The following TGFB1 variants were observed in gnomAD, a reference collection of about 807,000 sequenced individuals.
The protein encoded by TGFB1 is transforming growth factor beta-1 proprotein.
In TGFB1, 19 loss-of-function variants were observed where a neutral mutation model predicts 43.8. The ratio of observed to expected loss-of-function variants is 0.43; its 90% CI spans 0.30 to 0.64. TGFB1 has a LOEUF of 0.64. Among genes scored for constraint, TGFB1 ranks in the 30% least tolerant of loss-of-function variants. TGFB1 has a pLI of 0.11. For missense variants in TGFB1, 445 were observed against 529.8 expected (o/e 0.84, Z 1.57); for synonymous variants, 221 against 236.3 (o/e 0.94, Z 0.60).
Position 41,332,002 on chromosome 19 carries a change from AC to A in TGFB1, c.1014+125del, listed in dbSNP as rs375407001. The A allele has an allele frequency of 1.3e-5, 15 of 1,153,492 alleles. No individual in the cohort carries two copies. The African/African-American group carries it at 2.1e-4, about 16-fold the overall frequency. The allele number at this position is 1,153,492 out of a possible 1,614,324, so 71.5% of individuals were successfully genotyped here. ...CATCTCTTTATTCATTCCCCTCCCCACCCCATCCCTCTCTTTCTCCCCATCC... is the reference window on the plus strand; with the variant it reads ...CATCTCTTTATTCATTCCCCTCCCCACCCATCCCTCTCTTTCTCCCCATCC... On this transcript the variant is annotated intron_variant, in intron 6 of 6. Transcript: ENST00000221930.
At chr19:41,332,497 ATAAT>A (rs1480343791) in intron 5 of TGFB1, among the ~76,000 whole-genome samples, 8 of 152,242 alleles carry the variant, frequency 5.3e-5, no homozygotes, top group Non-Finnish European at 4.4e-5. Flanking sequence ...GAGCAATGTA[ATAAT>A]TAATTTCACG....
At chr19:41,351,228 T>G (rs2038188553) in intron 1 of TGFB1, 1 of 152,066 alleles carries the variant, frequency 6.6e-6, no homozygotes, top group African/African-American at 2.4e-5. Context: ...GGGTGCGGAG[T>G]GCGCGTCATT....
Position 41,331,117 on chromosome 19 carries a change from C to A in TGFB1, c.1108G>T (p.Val370Leu), listed in dbSNP as rs1254766061. 9 of 1,585,296 alleles carry A rather than the reference C, an allele frequency of 5.7e-6. No individual in the cohort carries two copies. The South Asian group carries it at 5.7e-5, about 10-fold the overall frequency. Residue 370 changes from valine to leucine, a missense_variant, in exon 7 of 7, where the codon GTG becomes TTG. Physicochemically the swap from Val to Leu is conservative, Grantham distance 32. Coordinates refer to ENST00000221930, the MANE Select transcript of TGFB1 (RefSeq NM_000660.7). Reference protein sequence around the residue: ...ALEPLPIVYYVGRKPKVEQLS... With the variant: ...ALEPLPIVYYLGRKPKVEQLS... ...TGCTCCACCTTGGGCTTGCGGCCCA[C>A]GTAGTACACGATGGGCAGCGGCTCC... is the stretch of plus-strand genomic sequence containing the variant.
In TGFB1 at chr19:41,330,986, C is replaced by A; in HGVS notation, c.*66G>T. 7.5e-7 allele frequency: 1 copy of A among 1,333,784 alleles called. No homozygotes were observed. The highest frequency in any genetic ancestry group is 1.5e-5 in the South Asian group (1 of 66,718). The allele number at this position is 1,333,784 out of a possible 1,614,324, so 82.6% of individuals were successfully genotyped here. A position where few individuals can be genotyped will look rare whatever the true frequency, so the allele number is the denominator to read the frequency against. Reference sequence around the variant, plus strand: ...TGTCCTTAAATACAGCCCCCATGGGCAAGGCAGCGGGGGCGGGGCGGGGTG... The same window carrying A: ...TGTCCTTAAATACAGCCCCCATGGGAAAGGCAGCGGGGGCGGGGCGGGGTG... On this transcript the variant is annotated 3_prime_UTR_variant, in exon 7 of 7. Coordinates refer to ENST00000221930, the MANE Select transcript of TGFB1 (RefSeq NM_000660.7).
Position 41,353,034 on chromosome 19 carries a change from G to A in TGFB1, c.11C>T (p.Ser4Phe), listed in dbSNP as rs752190020. The change falls in exon 1 of 7, where the codon TCC becomes TTC. Residue 4 changes from serine to phenylalanine, a missense_variant. Coordinates refer to ENST00000221930, the MANE Select transcript of TGFB1 (RefSeq NM_000660.7). This position sits in a 1 kb window ranked among gnomAD's most constrained non-coding sequence, Gnocchi z 5.9. The stretch of plus-strand genomic sequence containing the variant: ...CAGCAGCGGCAGCAGCCGCAGCCCG[G>A]AGGGCGGCATGGGGGAGGCGGCGCC... MPPSGLRLLPLLLP... is the reference protein window; with the variant it reads MPPFGLRLLPLLLP... 8.5e-6 allele frequency: 13 copies of A among 1,529,424 alleles called. No homozygotes were observed. The South Asian group carries it at 1.2e-4, about 14-fold the overall frequency. The allele number at this position is 1,529,424 out of a possible 1,614,324, so 94.7% of individuals were successfully genotyped here.
rs1296211207 is a variant in TGFB1 at position 41,347,468 on chromosome 19, C to G, written c.516+827G>C. Among the ~76,000 whole-genome samples, 4 of 152,070 alleles carry G rather than the reference C, an allele frequency of 2.6e-5. No homozygotes were observed. The East Asian group carries it at 7.7e-4, about 29-fold the overall frequency. On this transcript the variant is annotated intron_variant, in intron 2 of 6. Coordinates refer to ENST00000221930, the MANE Select transcript of TGFB1 (RefSeq NM_000660.7). ...AAGAATCCTGTGTCCTTAAAGAGTC[C>G]AACTCCTAAGATTCCAGCCTTCTAA... is the stretch of plus-strand genomic sequence containing the variant.
intron 6 of TGFB1, among the ~76,000 whole-genome samples, chr19:41,331,502 A>C (rs1358883064): frequency 1.3e-5 from 2 of 150,716 alleles, no homozygotes; most frequent in Non-Finnish European, 2.9e-5. Flanking sequence ...TCCTGAGCGC[A>C]AGCCATCCTC....
In TGFB1 at chr19:41,348,401, G is replaced by T. The variant is rs1453070595; in HGVS notation, c.410C>A (p.Thr137Lys). 12 of 1,613,402 alleles carry T rather than the reference G, an allele frequency of 7.4e-6. No homozygotes were observed. Among genetic ancestry groups the T allele is most frequent in the Non-Finnish European group, 1.0e-5 (12 of 1,179,698 alleles). Residue 137 changes from threonine (T) to lysine (K), a missense_variant, in exon 2 of 7, where the codon ACA becomes AAA. This residue lies in a region of TGFB1 where 366 missense variants were observed against 428.8 expected (regional missense o/e 0.85). Coordinates refer to ENST00000221930, the MANE Select transcript of TGFB1 (RefSeq NM_000660.7). Reference protein sequence around the residue: ...STHSIYMFFNTSELREAVPEP... With the variant: ...STHSIYMFFNKSELREAVPEP... The stretch of plus-strand genomic sequence containing the variant: ...AGGTACCGCTTCTCGGAGCTCTGAT[G>T]TGTTGAAGAACATATATATGCTGTG...
intron 5 of TGFB1, among the ~76,000 whole-genome samples, chr19:41,334,518 C>T (rs1482603530): frequency 1.4e-5 from 2 of 143,170 alleles, no homozygotes; most frequent in Admixed American, 7.2e-5. Flanking sequence ...AACCTCTGCT[C>T]ATAGATTGGT....
chr19:41,337,194 T>G (rs1018428798), intron 5 of TGFB1, among the ~76,000 whole-genome samples: 1 of 152,030 alleles, frequency 6.6e-6, no homozygotes, highest in Non-Finnish European at 1.5e-5. Context: ...CAGGCTGGAG[T>G]GCAATGGCGC....
chr19:41,348,770 C>T (rs1375868197), intron 1 of TGFB1, among the ~76,000 whole-genome samples: 3 of 151,724 alleles, frequency 2.0e-5, no homozygotes, highest in Non-Finnish European at 2.9e-5. Flanking sequence ...ACTAAAGGCT[C>T]ATGCCACCAT....
At chr19:41,333,209 A>ATTTTT (rs1161079448) in intron 5 of TGFB1, among the ~76,000 whole-genome samples, 5 of 86,382 alleles carry the variant, frequency 5.8e-5, no homozygotes, top group Admixed American at 1.4e-4. Flanking sequence ...TTTTTTTTCT[A>ATTTTT]TTTTTTTTTT....
At chr19:41,337,938 G>A (rs1173872154) in intron 5 of TGFB1, among the ~76,000 whole-genome samples, 1 of 152,256 alleles carries the variant, frequency 6.6e-6, no homozygotes, top group African/African-American at 2.4e-5. Context: ...AAGCCTGTAA[G>A]GCCAGCACTT....
intron 3 of TGFB1, among the ~76,000 whole-genome samples, chr19:41,344,082 A>G (rs1009597312): frequency 2.0e-5 from 3 of 146,810 alleles, no homozygotes; most frequent in Non-Finnish European, 4.4e-5. Context: ...TCCCAGGCTC[A>G]GGTGATTCTC....
intron 2 of TGFB1, among the ~76,000 whole-genome samples, chr19:41,347,251 G>T (rs1185569295): frequency 6.6e-6 from 1 of 152,142 alleles, no homozygotes; most frequent in African/African-American, 2.4e-5. Context: ...TCGGACTCCT[G>T]GGCTCAAGCA....
At chr19:41,339,577 C>T (rs944859512) in intron 5 of TGFB1, among the ~76,000 whole-genome samples, 6 of 151,650 alleles carry the variant, frequency 4.0e-5, no homozygotes, top group Non-Finnish European at 5.9e-5. Flanking sequence ...GTAATCCCAG[C>T]ACTTTGGGAG....
intron 5 of TGFB1, among the ~76,000 whole-genome samples, chr19:41,341,364 G>C (rs2038052702): frequency 6.7e-6 from 1 of 149,452 alleles, no homozygotes; most frequent in Non-Finnish European, 1.5e-5. Context: ...CTACTCGGGA[G>C]GCTGAGACAG....
intron 3 of TGFB1, among the ~76,000 whole-genome samples, 180 bp from the exon 4 acceptor site, chr19:41,342,427 G>C (rs1229803270): frequency 1.7e-5 from 2 of 120,296 alleles, no homozygotes; most frequent in African/African-American, 6.5e-5. Context: ...ACAAGGTCTC[G>C]CAGCCTCAAT....
In TGFB1 at chr19:41,349,350, C is replaced by T. The variant is rs572887700; in HGVS notation, c.356-895G>A. Among the ~76,000 whole-genome samples the T allele has an allele frequency of 3.9e-5, 6 of 152,302 alleles. No homozygotes were observed. The South Asian group carries it at 6.2e-4, about 16-fold the overall frequency. On this transcript the variant is annotated intron_variant, in intron 1 of 6. Coordinates refer to ENST00000221930, the MANE Select transcript of TGFB1 (RefSeq NM_000660.7). The stretch of plus-strand genomic sequence containing the variant: ...TCCTCTCTCTGAGCCAGGTGTAAGA[C>T]AAGACAGAGTGACTCTAGAACCCAT...
Sources: allele counts gnomAD v4.1 joint callset (sites outside exome capture counted in the v4.1 genomes callset), GRCh38; gene constraint gnomAD v4.1.1; regional missense constraint gnomAD v4.1.1; non-coding constraint Gnocchi (gnomAD v3.1); transcripts MANE v1.5; gene names NCBI Gene and HGNC (gene_info 2026-07-23, HGNC 2026-07-21).